Variants in WDR72 observed in about 807,000 individuals in gnomAD.
The protein encoded by WDR72 is WD repeat-containing protein 72.
WDR72 carries 120 observed loss-of-function variants against 124.2 expected under a neutral mutation model. The ratio of observed to expected loss-of-function variants is 0.97; its 90% CI spans 0.83 to 1.12. The LOEUF is 1.12. WDR72 is among the 50% of genes most tolerant of loss of function. The probability of loss-of-function intolerance (pLI) is 0.00; values close to 1 mark genes in which losing one functional copy is unlikely to be tolerated. For missense variants in WDR72, 1,387 were observed against 1,278.8 expected (o/e 1.08, Z -1.29); for synonymous variants, 452 against 441.7 (o/e 1.02, Z -0.29).
At chr15:53,530,752 A>G (rs1892409068) in intron 18 of WDR72, among the ~76,000 whole-genome samples, 1 of 152,118 alleles carries the variant, frequency 6.6e-6, no homozygotes, top group Non-Finnish European at 1.5e-5. Flanking sequence ...TGATTTATAT[A>G]TGAACTTAAG....
chr15:53,558,843 G>T (rs555813028), intron 18 of WDR72, among the ~76,000 whole-genome samples: 6 of 151,924 alleles, frequency 3.9e-5, no homozygotes, highest in Non-Finnish European at 7.4e-5. Flanking sequence ...TGTTTGACGG[G>T]ATTTTTAGTG....
intron 1 of WDR72, among the ~76,000 whole-genome samples, chr15:53,754,495 G>A (rs1381529988): frequency 6.6e-6 from 1 of 152,052 alleles, no homozygotes; most frequent in East Asian, 1.9e-4. Context: ...TGGCAAAGGG[G>A]ATCCCTCTTC....
At chr15:53,545,277 A>G (rs1181444274) in intron 18 of WDR72, among the ~76,000 whole-genome samples, 1 of 151,670 alleles carries the variant, frequency 6.6e-6, no homozygotes, top group Non-Finnish European at 1.5e-5. Context: ...ACAAGGCTAC[A>G]GTAACCAAAA....
At chr15:53,633,822 T>A (rs2014522673) in intron 14 of WDR72, among the ~76,000 whole-genome samples, 2 of 152,196 alleles carry the variant, frequency 1.3e-5, no homozygotes, top group African/African-American at 2.4e-5. Context: ...ATTTATGAAC[T>A]AGAAAGAATA....
intron 18 of WDR72, among the ~76,000 whole-genome samples, chr15:53,551,043 A>G (rs1893707384): frequency 6.6e-6 from 1 of 152,188 alleles, no homozygotes; most frequent in South Asian, 2.1e-4. Context: ...TAAGGAAATG[A>G]CCTTTAAACT....
chr15:53,518,951 C>G (rs1891629962), intron 19 of WDR72, among the ~76,000 whole-genome samples: 1 of 152,046 alleles, frequency 6.6e-6, no homozygotes, highest in African/African-American at 2.4e-5. Context: ...AGAATGCATA[C>G]TGATTATAAA....
intron 1 of WDR72, among the ~76,000 whole-genome samples, chr15:53,752,285 C>T (rs1013578137): frequency 2.6e-5 from 4 of 152,278 alleles, no homozygotes; most frequent in Non-Finnish European, 5.9e-5. Flanking sequence ...AGCCCTAACT[C>T]GGAGTACCTC....
At chr15:53,575,191 A>G (rs992150569) in intron 18 of WDR72, among the ~76,000 whole-genome samples, 2 of 152,066 alleles carry the variant, frequency 1.3e-5, no homozygotes, top group African/African-American at 4.8e-5. Flanking sequence ...CGAACTCAAC[A>G]TAAGGGTCAC....
intron 18 of WDR72, among the ~76,000 whole-genome samples, chr15:53,540,174 G>A (rs1474133221): frequency 6.6e-6 from 1 of 152,210 alleles, no homozygotes; most frequent in Non-Finnish European, 1.5e-5. Context: ...GATAATGTTA[G>A]CACATATCTC....
intron 1 of WDR72, among the ~76,000 whole-genome samples, chr15:53,735,506 G>A (rs2018327464): frequency 6.6e-6 from 1 of 152,146 alleles, no homozygotes; most frequent in Non-Finnish European, 1.5e-5. Context: ...ATGGTTTCAT[G>A]AGGGTATACA....
intron 14 of WDR72, among the ~76,000 whole-genome samples, chr15:53,631,250 T>C (rs867199615): frequency 3.3e-4 from 51 of 152,260 alleles, no homozygotes; most frequent in Middle Eastern, 6.8e-3. Flanking sequence ...CCTCCCTCGC[T>C]CCTTCTCCAG....
At chr15:53,535,583 C>T (rs1892718030) in intron 18 of WDR72, among the ~76,000 whole-genome samples, 1 of 152,112 alleles carries the variant, frequency 6.6e-6, no homozygotes, top group Non-Finnish European at 1.5e-5. Flanking sequence ...GGCAGCTGAA[C>T]CTGGGAGGAA....
intron 1 of WDR72, among the ~76,000 whole-genome samples, chr15:53,736,763 G>C (rs758436702): frequency 6.6e-6 from 1 of 152,120 alleles, no homozygotes; most frequent in Non-Finnish European, 1.5e-5. Flanking sequence ...AAGTGTTAAA[G>C]CCAGAAAATG....
intron 13 of WDR72, among the ~76,000 whole-genome samples, chr15:53,691,556 C>T (rs1465161701): frequency 2.6e-5 from 4 of 151,034 alleles, no homozygotes; most frequent in East Asian, 1.9e-4. Context: ...TTTTTTCTTT[C>T]GTTGCTCAGG....
intron 5 of WDR72, among the ~76,000 whole-genome samples, chr15:53,714,772 C>T (rs2017656751): frequency 6.6e-6 from 1 of 152,176 alleles, no homozygotes; most frequent in Admixed American, 6.5e-5. Context: ...TGAAACCTTC[C>T]TATTTCGGAA....
Position 53,705,947 on chromosome 15 carries a change from T to G in WDR72, c.1082A>C (p.Lys361Thr). 1 of 1,614,102 alleles carries G rather than the reference T, an allele frequency of 6.2e-7. No individual in the cohort carries two copies. Among genetic ancestry groups the G allele is most frequent in the Non-Finnish European group, 8.5e-7 (1 of 1,180,018 alleles). ...LWHIPDVPVS[K>T]FDGSPREIPV... ...CTTACCTCTAGGAGAACCATCAAAC[T>G]TGGATACAGGAACATCAGGGATGTG... Residue 361 changes from lysine (K) to threonine (T), a missense_variant, in exon 10 of 20, where the codon AAG (lysine) becomes ACG (threonine). Lys to Thr is a moderately conservative substitution (Grantham distance 78, BLOSUM62 -1). Coordinates refer to ENST00000360509, the MANE Select transcript of WDR72 (RefSeq NM_182758.4).
Position 53,745,034 on chromosome 15 carries a change from TA to T in WDR72, c.-12-11874del, listed in dbSNP as rs35297294. Among the ~76,000 whole-genome samples, 213 of 144,568 alleles carry T rather than the reference TA, an allele frequency of 1.5e-3. 1 individual carries two copies. Among genetic ancestry groups the T allele is most frequent in the East Asian group, 2.6e-3 (13 of 4,998 alleles). 94.8% of individuals were successfully genotyped at this position (144,568 alleles called of 152,430 possible). A position where few individuals can be genotyped will look rare whatever the true frequency, so the allele number is the denominator to read the frequency against. On this transcript the variant is annotated intron_variant, in intron 1 of 19. Coordinates refer to ENST00000360509, the MANE Select transcript of WDR72 (RefSeq NM_182758.4). ...TTTTAATTCAAACTATACTTTATTGTAAAAAAAAAAAAAGGGCAAGAAAATA... is the reference window on the plus strand; with the variant it reads ...TTTTAATTCAAACTATACTTTATTGTAAAAAAAAAAAAGGGCAAGAAAATA...
intron 14 of WDR72, among the ~76,000 whole-genome samples, chr15:53,654,613 G>A (rs952625158): frequency 4.6e-5 from 7 of 152,182 alleles, no homozygotes; most frequent in Non-Finnish European, 1.0e-4. Context: ...ATCATCTGAG[G>A]TACTGTGTGT....
rs1329131992 is a variant in WDR72 at position 53,523,310 on chromosome 15, G to A, written c.3161C>T (p.Pro1054Leu). Residue 1054 changes from proline (P) to leucine (L), a missense_variant, in exon 19 of 20, where the codon CCG becomes CTG. Transcript: ENST00000360509. ...GTTTGAGTTGCTGTCATGCTTGACC[G>A]GGCTGACTGGAGCTATTAAAAGAGA... ...NTLPLQTPVS[P>L]VKHDSNSNSA... The A allele has an allele frequency of 1.9e-6, 3 of 1,611,994 alleles. No individual in the cohort carries two copies. Among genetic ancestry groups the A allele is most frequent in the Admixed American group, 1.7e-5 (1 of 59,808 alleles).
Sources: allele counts gnomAD v4.1 joint callset (sites outside exome capture counted in the v4.1 genomes callset), GRCh38; gene constraint gnomAD v4.1.1; transcripts MANE v1.5; gene names NCBI Gene and HGNC (gene_info 2026-07-23, HGNC 2026-07-21).